The following IMMP2L variants were observed in gnomAD, a reference collection of about 807,000 sequenced individuals.
The protein encoded by IMMP2L is inner mitochondrial membrane peptidase subunit 2, also known as mitochondrial inner membrane protease subunit 2.
A neutral mutation model predicts 19.3 loss-of-function variants in IMMP2L; 18 were observed. That is an observed-to-expected ratio of 0.93 (90% CI 0.64 to 1.38). The LOEUF (loss-of-function observed/expected upper bound fraction) is 1.38. IMMP2L is among the 40% of genes most tolerant of loss of function. IMMP2L has a pLI of 0.00. For missense variants in IMMP2L, 233 were observed against 218.2 expected, an observed-to-expected ratio of 1.07 and a Z score of -0.43; for synonymous variants, 76 against 73.0, an observed-to-expected ratio of 1.04 and a Z score of -0.21.
chr7:111,011,086 G>C (rs917864708), intron 3 of IMMP2L, among the ~76,000 whole-genome samples: 1 of 152,088 alleles, frequency 6.6e-6, no homozygotes, highest in Admixed American at 6.6e-5. Context: ...CTGTAGAAGT[G>C]AGTGGCACTG....
intron 4 of IMMP2L, among the ~76,000 whole-genome samples, chr7:110,961,628 A>C (rs914979925): frequency 4.0e-5 from 6 of 151,856 alleles, no homozygotes; most frequent in Non-Finnish European, 4.4e-5. Context: ...TACCTGTAGA[A>C]TTACTCATAA....
chr7:111,254,278 A>G (rs1232456485), intron 3 of IMMP2L, among the ~76,000 whole-genome samples: 1 of 152,082 alleles, frequency 6.6e-6, no homozygotes, highest in Non-Finnish European at 1.5e-5. Flanking sequence ...AAGTAAAATG[A>G]ATGATCCTAA....
At chr7:111,505,994 A>G (rs1844858357) in intron 2 of IMMP2L, among the ~76,000 whole-genome samples, 2 of 152,040 alleles carry the variant, frequency 1.3e-5, no homozygotes, top group Admixed American at 1.3e-4. Flanking sequence ...AAAAAGAAAG[A>G]AAGGAGGCCA....
At chr7:110,832,463 T>C (rs1481162848) in intron 5 of IMMP2L, among the ~76,000 whole-genome samples, 2 of 152,116 alleles carry the variant, frequency 1.3e-5, no homozygotes, top group Non-Finnish European at 2.9e-5. Context: ...GACCACTCTC[T>C]TCAGCTGACA....
At chr7:111,428,615 GA>G (rs1836322960) in intron 3 of IMMP2L, among the ~76,000 whole-genome samples, 1 of 147,708 alleles carries the variant, frequency 6.8e-6, no homozygotes, top group African/African-American at 2.7e-5. Context: ...TTTCACGAAA[GA>G]AATCTAACTC....
chr7:111,309,125 C>T (rs1823213220), intron 3 of IMMP2L, among the ~76,000 whole-genome samples: 2 of 151,940 alleles, frequency 1.3e-5, no homozygotes, highest in South Asian at 4.1e-4. Context: ...AATTTGGGAT[C>T]AAGATTTGAG....
At chr7:110,994,160 A>T (rs1822791331) in intron 3 of IMMP2L, among the ~76,000 whole-genome samples, 1 of 124,394 alleles carries the variant, frequency 8.0e-6, no homozygotes, top group African/African-American at 2.6e-5. Flanking sequence ...TTGCTAGAGA[A>T]ACCACACACT....
intron 3 of IMMP2L, among the ~76,000 whole-genome samples, chr7:111,298,711 G>A (rs774649676): frequency 2.0e-5 from 3 of 150,870 alleles, no homozygotes; most frequent in Non-Finnish European, 4.4e-5. Context: ...AGCCAAGATC[G>A]TGCCACTGCA....
intron 3 of IMMP2L, among the ~76,000 whole-genome samples, chr7:111,088,317 T>A (rs900377090): frequency 1.3e-5 from 2 of 152,210 alleles, no homozygotes; most frequent in Non-Finnish European, 2.9e-5. Flanking sequence ...TACATTTCCA[T>A]TAAAACTCAG....
intron 3 of IMMP2L, among the ~76,000 whole-genome samples, chr7:111,320,450 C>T: frequency 6.6e-6 from 1 of 152,058 alleles, no homozygotes. Flanking sequence ...TAACTGGTTT[C>T]CCTTTCTCTG....
At chr7:111,556,025 TATATATATATAC>T (rs1422343852) in intron 1 of IMMP2L, among the ~76,000 whole-genome samples, 3 of 131,790 alleles carry the variant, frequency 2.3e-5, no homozygotes, top group Non-Finnish European at 3.2e-5. Flanking sequence ...CATGTATATA[TATATATATATAC>T]ATACCCAAAG....
At chr7:110,698,674 C>T (rs533612634) in intron 5 of IMMP2L, among the ~76,000 whole-genome samples, 1 of 152,316 alleles carries the variant, frequency 6.6e-6, no homozygotes, top group South Asian at 2.1e-4. Flanking sequence ...AGGAGGAGCT[C>T]TGGGCCTCTT....
chr7:111,281,565 G>C lies in IMMP2L; in HGVS notation c.239+205673C>G, dbSNP rs145630429. 4.1e-3 allele frequency among the ~76,000 whole-genome samples: 623 copies of C among 152,204 alleles called. 11 individuals are homozygous for C. The highest frequency in any genetic ancestry group is 1.7e-3 in the Non-Finnish European group (115 of 68,022). Reference sequence around the variant, plus strand: ...CACTAAGTACCCAACAGAGACACTTGGGAGGCATAGTAAACTTCACAGAGG... The same window carrying C: ...CACTAAGTACCCAACAGAGACACTTCGGAGGCATAGTAAACTTCACAGAGG... On this transcript the variant is annotated intron_variant, in intron 3 of 5. Coordinates refer to ENST00000405709, the MANE Select transcript of IMMP2L (RefSeq NM_032549.4).
intron 3 of IMMP2L, among the ~76,000 whole-genome samples, chr7:111,342,748 A>G (rs1827150792): frequency 6.6e-6 from 1 of 152,094 alleles, no homozygotes; most frequent in Non-Finnish European, 1.5e-5. Context: ...CATTGTCTAG[A>G]AGTATTTTAA....
intron 3 of IMMP2L, among the ~76,000 whole-genome samples, chr7:111,183,654 G>C (rs1030455494): frequency 8.6e-5 from 13 of 152,002 alleles, no homozygotes; most frequent in African/African-American, 3.1e-4. Flanking sequence ...CATTTTCCTA[G>C]ATCACACATT....
chr7:111,444,757 G>C (rs1838131535), intron 3 of IMMP2L, among the ~76,000 whole-genome samples: 1 of 151,950 alleles, frequency 6.6e-6, no homozygotes, highest in South Asian at 2.1e-4. Flanking sequence ...CTAAAACAAA[G>C]AAGTAAGAGA....
At chr7:110,894,540 T>G (rs1179897297) in intron 4 of IMMP2L, among the ~76,000 whole-genome samples, 7 of 152,248 alleles carry the variant, frequency 4.6e-5, no homozygotes, top group Non-Finnish European at 5.9e-5. Context: ...TCTATTCAAC[T>G]TTTAAAAATT....
At chr7:111,377,721 G>A (rs914524999) in intron 3 of IMMP2L, among the ~76,000 whole-genome samples, 14 of 151,828 alleles carry the variant, frequency 9.2e-5, no homozygotes, top group Non-Finnish European at 1.8e-4. Flanking sequence ...TAATCTCTGA[G>A]TTTAGGCTGC....
intron 5 of IMMP2L, among the ~76,000 whole-genome samples, chr7:110,736,215 C>T (rs1202610982): frequency 6.6e-6 from 1 of 152,166 alleles, no homozygotes; most frequent in Non-Finnish European, 1.5e-5. Flanking sequence ...CAGAGGATAA[C>T]CCCAAAAGCC....
Sources: gnomAD v4.1 joint callset for allele counts (sites outside exome capture counted in the v4.1 genomes callset) on GRCh38, gnomAD v4.1.1 for gene constraint, MANE v1.5 for transcripts, NCBI Gene and HGNC (gene_info 2026-07-23, HGNC 2026-07-21) for gene names.